Variants in FGF14 observed in about 807,000 individuals in gnomAD.
FGF14 encodes the protein fibroblast growth factor homologous factor 4.
FGF14 carries 5 observed loss-of-function variants against 25.5 expected under a neutral mutation model. The ratio of observed to expected loss-of-function variants is 0.20; its 90% CI spans 0.10 to 0.41. The LOEUF (loss-of-function observed/expected upper bound fraction) is 0.41, where lower values mean the gene tolerates loss of function less well. Among genes scored for constraint, FGF14 ranks in the 10% least tolerant of loss-of-function variants. The probability of loss-of-function intolerance (pLI) is 1.00; values close to 1 mark genes in which losing one functional copy is unlikely to be tolerated. For missense variants in FGF14, 222 were observed against 320.1 expected (o/e 0.69, Z 2.34); for synonymous variants, 138 against 118.3 (o/e 1.17, Z -1.08).
chr13:101,800,593 G>A (rs1454866305), intron 3 of FGF14, among the ~76,000 whole-genome samples: 2 of 152,084 alleles, frequency 1.3e-5, no homozygotes, highest in Non-Finnish European at 1.5e-5. Flanking sequence ...CTATAAAATA[G>A]GTATCTACTT....
At chr13:102,028,811 T>A (rs2041066927) in intron 1 of FGF14, among the ~76,000 whole-genome samples, 1 of 152,052 alleles carries the variant, frequency 6.6e-6, no homozygotes, top group African/African-American at 2.4e-5. Flanking sequence ...TATAAACAAA[T>A]TAACTTTTTG....
chr13:101,719,563 A>G lies in FGF14; in HGVS notation c.*3268T>C, dbSNP rs2034851166. 1 of 152,132 alleles carries G rather than the reference A, an allele frequency of 6.6e-6. No homozygotes were observed. Among genetic ancestry groups the G allele is most frequent in the Non-Finnish European group, 1.5e-5 (1 of 68,016 alleles). The allele number at this position is 152,132 out of a possible 1,614,324, so 9.4% of individuals were successfully genotyped here. On this transcript the variant is annotated 3_prime_UTR_variant, in exon 5 of 5. Coordinates refer to ENST00000376143, the MANE Select transcript of FGF14 (RefSeq NM_004115.4). ...AAAGTGGTAGCAAAATGTTTTAAAA[A>G]GCAATCTTATATTAGAAAACAAAAA...
intron 3 of FGF14, among the ~76,000 whole-genome samples, chr13:101,752,323 C>G (rs773212273): frequency 1.3e-5 from 2 of 152,086 alleles, no homozygotes; most frequent in African/African-American, 2.4e-5. Context: ...GTCTAATGCA[C>G]TGTTGACCAG....
At chr13:101,988,802 C>T (rs921197189) in intron 1 of FGF14, among the ~76,000 whole-genome samples, 8 of 151,896 alleles carry the variant, frequency 5.3e-5, no homozygotes, top group African/African-American at 1.7e-4. Flanking sequence ...CACATGTATA[C>T]ATATGTAACA....
intron 3 of FGF14, among the ~76,000 whole-genome samples, chr13:101,865,486 A>G (rs1456727478): frequency 6.6e-6 from 1 of 152,116 alleles, no homozygotes; most frequent in Non-Finnish European, 1.5e-5. Context: ...TTGTAGCACA[A>G]TATCAAGTAC....
intron 1 of FGF14, among the ~76,000 whole-genome samples, chr13:102,221,548 T>C (rs550828063): frequency 6.6e-5 from 10 of 152,212 alleles, no homozygotes; most frequent in East Asian, 1.9e-4. Flanking sequence ...AATAGAAACA[T>C]GCACAGCCAT....
At chr13:101,880,473 A>G (rs931411817) in intron 1 of FGF14, among the ~76,000 whole-genome samples, 1 of 152,182 alleles carries the variant, frequency 6.6e-6, no homozygotes, top group African/African-American at 2.4e-5. Flanking sequence ...AGGCTGAGGC[A>G]TGAGAATCGC....
At chr13:102,028,361 G>T (rs948109262) in intron 1 of FGF14, among the ~76,000 whole-genome samples, 1 of 152,034 alleles carries the variant, frequency 6.6e-6, no homozygotes, top group Non-Finnish European at 1.5e-5. Flanking sequence ...GAGCTGATTT[G>T]CCTCCTTCCA....
intron 1 of FGF14, among the ~76,000 whole-genome samples, chr13:102,247,727 TC>T (rs1169572458): frequency 6.6e-6 from 1 of 152,262 alleles, no homozygotes; most frequent in Middle Eastern, 3.4e-3. Flanking sequence ...AACTCAGCAA[TC>T]TCATTACTGG....
Position 101,719,476 on chromosome 13 carries a change from A to C in FGF14, c.*3355T>G, listed in dbSNP as rs781663773. On this transcript the variant is annotated 3_prime_UTR_variant, in exon 5 of 5. Transcript: ENST00000376143. The stretch of plus-strand genomic sequence containing the variant: ...CAGGATTTGTAATGAAATGATGTTC[A>C]GTTCCATTTTGCTCTTTACATAGGG... 6.6e-6 allele frequency: 1 copy of C among 152,130 alleles called. No individual in the cohort carries two copies. Among genetic ancestry groups the C allele is most frequent in the Non-Finnish European group, 1.5e-5 (1 of 68,010 alleles). The allele number at this position is 152,130 out of a possible 1,614,324, so 9.4% of individuals were successfully genotyped here. A position where few individuals can be genotyped will look rare whatever the true frequency, so the allele number is the denominator to read the frequency against.
At chr13:101,732,716 T>C (rs145887849) in intron 3 of FGF14, among the ~76,000 whole-genome samples, 386 of 152,314 alleles carry the variant, frequency 2.5e-3, no homozygotes, top group African/African-American at 8.8e-3. Flanking sequence ...TTGTAATCTG[T>C]AGTTATATTT....
At chr13:102,387,987 C>G (rs1273846258) in intron 1 of FGF14, among the ~76,000 whole-genome samples, 1 of 152,202 alleles carries the variant, frequency 6.6e-6, no homozygotes, top group Non-Finnish European at 1.5e-5. Context: ...CTCAGCCTCT[C>G]AAAGTGCTGG....
chr13:101,818,533 C>T (rs1412119088), intron 3 of FGF14, among the ~76,000 whole-genome samples: 1 of 152,098 alleles, frequency 6.6e-6, no homozygotes, highest in Non-Finnish European at 1.5e-5. Flanking sequence ...ATGGGGATTA[C>T]CTGCACAACC....
rs751094404 is a variant in FGF14 at position 101,820,789 on chromosome 13, CA to C, written c.408+47935del. On this transcript the variant is annotated intron_variant, in intron 3 of 4. Coordinates refer to ENST00000376143, the MANE Select transcript of FGF14 (RefSeq NM_004115.4). ...ACACACACCACACACCACACACACACACACACACACACACACAACACACACA... is the reference window on the plus strand; with the variant it reads ...ACACACACCACACACCACACACACACCACACACACACACACAACACACACA... Among the ~76,000 whole-genome samples, 27 of 30,148 alleles carry C rather than the reference CA, an allele frequency of 9.0e-4. 2 individuals are homozygous for C. The highest frequency in any genetic ancestry group is 6.9e-3 in the East Asian group (6 of 870). The allele number at this position is 30,148 out of a possible 152,430, so 19.8% of individuals were successfully genotyped here.
intron 3 of FGF14, among the ~76,000 whole-genome samples, chr13:101,836,345 A>G (rs969160116): frequency 6.6e-6 from 1 of 152,088 alleles, no homozygotes; most frequent in African/African-American, 2.4e-5. Flanking sequence ...AGCAATAACT[A>G]GATAGGCCCA....
intron 1 of FGF14, among the ~76,000 whole-genome samples, chr13:101,888,339 A>G (rs942972433): frequency 6.6e-6 from 1 of 152,190 alleles, no homozygotes; most frequent in Non-Finnish European, 1.5e-5. Context: ...AACCTGAAAA[A>G]GTACTGGACT....
At chr13:101,904,236 C>T (rs1306832372) in intron 1 of FGF14, among the ~76,000 whole-genome samples, 1 of 152,176 alleles carries the variant, frequency 6.6e-6, no homozygotes, top group African/African-American at 2.4e-5. Context: ...CCAGCACCGA[C>T]CACACCATGA....
Position 101,916,696 on chromosome 13 carries a change from C to A in FGF14, c.-51G>T, listed in dbSNP as rs773410343. ...AGGGAGGGCGCGGGAGGACGGCGAGCCGGGGGCACCGGAGGGGAAGGCGGC... is the reference window on the plus strand; with the variant it reads ...AGGGAGGGCGCGGGAGGACGGCGAGACGGGGGCACCGGAGGGGAAGGCGGC... On this transcript the variant is annotated 5_prime_UTR_variant, in exon 1 of 5. Transcript: ENST00000376143. 3 of 1,427,926 alleles carry A rather than the reference C, an allele frequency of 2.1e-6. No homozygotes were observed. The highest frequency in any genetic ancestry group is 2.9e-5 in the African/African-American group (2 of 69,366). The allele number at this position is 1,427,926 out of a possible 1,614,324, so 88.5% of individuals were successfully genotyped here.
At chr13:101,867,083 T>G (rs551603179) in intron 3 of FGF14, among the ~76,000 whole-genome samples, 35 of 152,232 alleles carry the variant, frequency 2.3e-4, no homozygotes, top group Non-Finnish European at 4.3e-4. Context: ...GGACTCACCC[T>G]GGGCAAATGC....
Sources: allele counts gnomAD v4.1 joint callset (sites outside exome capture counted in the v4.1 genomes callset), GRCh38; gene constraint gnomAD v4.1.1; transcripts MANE v1.5; gene names NCBI Gene and HGNC (gene_info 2026-07-23, HGNC 2026-07-21).